Variants in F8 observed in about 807,000 individuals in gnomAD.
The protein encoded by F8 is coagulation factor VIII.
F8 carries 12 observed loss-of-function variants against 140.6 expected under a neutral mutation model. That is an observed-to-expected ratio of 0.09 (90% CI 0.05 to 0.14). The LOEUF (loss-of-function observed/expected upper bound fraction) is 0.14, where lower values mean the gene tolerates loss of function less well. Ranked by LOEUF, F8 falls within the 10% of genes least tolerant of loss-of-function variation. F8 has a pLI of 1.00. For missense variants in F8, 1,354 were observed against 1,720.7 expected, an observed-to-expected ratio of 0.79 and a Z score of 3.77; for synonymous variants, 585 against 614.6, an observed-to-expected ratio of 0.95 and a Z score of 0.71.
chrX:154,877,706 C>T (rs1232983844), intron 22 of F8, among the ~76,000 whole-genome samples: 1 of 111,250 alleles, frequency 9.0e-6, no homozygotes, highest in African/African-American at 3.3e-5. Flanking sequence ...TTGATTTTAG[C>T]CCAGTAAGAC....
chrX:154,864,473 A>G (rs1339284498), intron 22 of F8, among the ~76,000 whole-genome samples: 1 of 112,632 alleles, frequency 8.9e-6, no homozygotes. Flanking sequence ...CCAGTAACCA[A>G]CCCTGAAGAA....
At chrX:154,982,378 G>C (rs59810056) in intron 6 of F8, among the ~76,000 whole-genome samples, 5 of 101,312 alleles carry the variant, frequency 4.9e-5, no homozygotes, top group Non-Finnish European at 4.0e-5. Flanking sequence ...ACCCCGGGGG[G>C]CAGAGCCTGC....
chrX:154,935,340 G>A (rs2073218155), intron 13 of F8, among the ~76,000 whole-genome samples: 1 of 111,969 alleles, frequency 8.9e-6, no homozygotes, highest in African/African-American at 3.2e-5. Flanking sequence ...AGACGTATGG[G>A]TCAATGGAAC....
intron 22 of F8, among the ~76,000 whole-genome samples, chrX:154,892,193 C>T (rs2072948687): frequency 8.9e-6 from 1 of 112,483 alleles, no homozygotes; most frequent in Non-Finnish European, 1.9e-5. Flanking sequence ...GCCCCTAAGT[C>T]GTATCTGCCT....
intron 6 of F8, among the ~76,000 whole-genome samples, chrX:154,970,293 GTTAA>G (rs1287469417): frequency 2.7e-5 from 3 of 111,840 alleles, no homozygotes; most frequent in African/African-American, 6.5e-5. Flanking sequence ...GCCCAGAGAG[GTTAA>G]TTAATTTGCT....
At chrX:154,846,890 A>C (rs1160588462) in intron 25 of F8, among the ~76,000 whole-genome samples, 2 of 111,919 alleles carry the variant, frequency 1.8e-5, no homozygotes, top group African/African-American at 3.3e-5. Context: ...GATGGTCTTT[A>C]CAATTTGGGA....
At chrX:154,984,342 T>C (rs1202048000) in intron 6 of F8, among the ~76,000 whole-genome samples, 1 of 112,190 alleles carries the variant, frequency 8.9e-6, no homozygotes, top group Non-Finnish European at 1.9e-5. Context: ...TTCTGAGCCA[T>C]AGCTTTTTTT....
At chrX:154,874,518 G>A (rs2072797284) in intron 22 of F8, among the ~76,000 whole-genome samples, 1 of 112,172 alleles carries the variant, frequency 8.9e-6, no homozygotes, top group Non-Finnish European at 1.9e-5. Flanking sequence ...CAAATTCACA[G>A]CCTTAGGTGC....
chrX:154,920,110 A>C (rs781993722), intron 14 of F8: 25 of 154,300 alleles, frequency 1.6e-4, no homozygotes, highest in Admixed American at 7.2e-4. Context: ...TTCTCTCCCA[A>C]GTAATTAATC....
intron 13 of F8, among the ~76,000 whole-genome samples, chrX:154,935,586 A>G (rs1275609606): frequency 8.9e-6 from 1 of 112,155 alleles, no homozygotes; most frequent in Non-Finnish European, 1.9e-5. Flanking sequence ...TCAAACTCTT[A>G]GAAGAAAATA....
At chrX:154,975,851 T>C (rs1356041045) in intron 6 of F8, among the ~76,000 whole-genome samples, 1 of 112,301 alleles carries the variant, frequency 8.9e-6, no homozygotes, top group Non-Finnish European at 1.9e-5. Flanking sequence ...TTTATGCTTG[T>C]TACATTCTCC....
chrX:154,906,855 T>G (rs2073040849), intron 14 of F8, among the ~76,000 whole-genome samples: 1 of 112,605 alleles, frequency 8.9e-6, no homozygotes, highest in Non-Finnish European at 1.9e-5. Context: ...GTAAAGTTTA[T>G]AAACATACTC....
chrX:154,918,289 C>G (rs920185815), intron 14 of F8, among the ~76,000 whole-genome samples: 2 of 111,263 alleles, frequency 1.8e-5, no homozygotes, highest in Admixed American at 9.6e-5. Context: ...GCTGAACATT[C>G]TCTCTCATTT....
rs1239521514 is a variant in F8 at position 154,984,818 on chromosome X, G to A, written c.671-15C>T. On this transcript the variant is annotated splice_polypyrimidine_tract_variant and intron_variant, in intron 5 of 25. Coordinates refer to ENST00000360256, the MANE Select transcript of F8 (RefSeq NM_000132.4). ...CCAACTTTTCCCTGATGAGAGAGAA[G>A]GCAAAGATAGAGTCAGCTAAGCATG... 8.8e-7 allele frequency: 1 copy of A among 1,131,059 alleles called. No homozygotes were observed. The highest frequency in any genetic ancestry group is 1.8e-5 in the African/African-American group (1 of 56,247). 93.2% of individuals were successfully genotyped at this position (1,131,059 alleles called of 1,213,427 possible).
chrX:154,974,443 C>T (rs1569559900), intron 6 of F8, among the ~76,000 whole-genome samples: 1 of 111,749 alleles, frequency 8.9e-6, no homozygotes, highest in Non-Finnish European at 1.9e-5. Context: ...TTAAACCATC[C>T]TTACATCACT....
chrX:154,839,889 A>G (rs782607855), intron 25 of F8, among the ~76,000 whole-genome samples: 3 of 112,351 alleles, frequency 2.7e-5, no homozygotes, highest in Non-Finnish European at 5.6e-5. Context: ...TACCATAAAC[A>G]TCTATAGAAA....
At position 154,930,565 on chromosome X, in the gene F8, A is replaced by G; in HGVS notation, c.3225T>C (p.Ala1075=). The G allele has an allele frequency of 8.3e-7, 1 of 1,210,716 alleles. No individual in the cohort carries two copies. Among genetic ancestry groups the G allele is most frequent in the Non-Finnish European group, 1.1e-6 (1 of 894,497 alleles). The part of the protein sequence containing the change: ...IHDRMLMDKN[A]TALRLNHMSN... ...ACATATGATTTAGCCTCAAAGCTGT[A>G]GCATTTTTGTCCATAAGCATTCTGT... The change falls in exon 14 of 26, where the codon GCT becomes GCC. Residue 1075 remains alanine, a synonymous_variant. Transcript: ENST00000360256.
At chrX:154,843,495 T>C (rs2072538957) in intron 25 of F8, among the ~76,000 whole-genome samples, 1 of 112,160 alleles carries the variant, frequency 8.9e-6, no homozygotes, top group East Asian at 2.8e-4. Flanking sequence ...TTCTAACTGG[T>C]GTGAGATGGT....
intron 13 of F8, among the ~76,000 whole-genome samples, chrX:154,943,289 C>G (rs1353733292): frequency 8.9e-6 from 1 of 111,967 alleles, no homozygotes; most frequent in Admixed American, 9.5e-5. Context: ...AGCCCAAAAT[C>G]TCCTTAAGCT....
Sources: allele counts gnomAD v4.1 joint callset (sites outside exome capture counted in the v4.1 genomes callset), GRCh38; gene constraint gnomAD v4.1.1; transcripts MANE v1.5; gene names NCBI Gene and HGNC (gene_info 2026-07-23, HGNC 2026-07-21).